Variants in OSBPL9 observed in about 807,000 individuals in gnomAD.
OSBPL9 encodes the protein oxysterol binding protein like 9.
OSBPL9 carries 40 observed loss-of-function variants against 106.6 expected under a neutral mutation model. The ratio of observed to expected loss-of-function variants is 0.38; its 90% CI spans 0.29 to 0.49. The LOEUF (loss-of-function observed/expected upper bound fraction) is 0.49, where lower values mean the gene tolerates loss of function less well. OSBPL9 is among the 20% of genes least tolerant of loss of function. The pLI is 0.97. For missense variants in OSBPL9, 609 were observed against 887.2 expected (o/e 0.69, Z 3.98); for synonymous variants, 269 against 295.4 (o/e 0.91, Z 0.92).
intron 1 of OSBPL9, among the ~76,000 whole-genome samples, chr1:51,621,059 T>C (rs1029481436): frequency 6.6e-6 from 1 of 152,140 alleles, no homozygotes; most frequent in Non-Finnish European, 1.5e-5. Context: ...TTCATAAAAC[T>C]AAAGAGGACG....
At chr1:51,523,011 C>A in the OSBPL9 span, among the ~76,000 whole-genome samples, 3 of 152,048 alleles carry the variant, frequency 2.0e-5, no homozygotes, top group African/African-American at 7.2e-5. Context: ...AATTTTAGCA[C>A]TCTGGAAGGC....
At chr1:51,646,449 T>G (rs1400184497) in intron 1 of OSBPL9, among the ~76,000 whole-genome samples, 1 of 152,234 alleles carries the variant, frequency 6.6e-6, no homozygotes, top group Non-Finnish European at 1.5e-5. Flanking sequence ...ACAATTAATT[T>G]TTGTTATTGA....
At chr1:51,691,115 C>T (rs1359835317) in intron 3 of OSBPL9, among the ~76,000 whole-genome samples, 1 of 151,984 alleles carries the variant, frequency 6.6e-6, no homozygotes, top group Non-Finnish European at 1.5e-5. Flanking sequence ...GGAAGTTGCT[C>T]TGGGTGAGTC....
At chr1:51,697,774 A>G (rs1253021486) in intron 3 of OSBPL9, among the ~76,000 whole-genome samples, 5 of 150,344 alleles carry the variant, frequency 3.3e-5, no homozygotes, top group Admixed American at 1.3e-4. Context: ...AGCAAAGATG[A>G]TAAAATCCTG....
chr1:51,530,170 C>CAAAAAAAAAAAAAA, the OSBPL9 span, among the ~76,000 whole-genome samples: 64 of 10,890 alleles, frequency 5.9e-3, no homozygotes, highest in Non-Finnish European at 6.6e-3. Flanking sequence ...GACTCTGTCT[C>CAAAAAAAAAAAAAA]AAAAAAAAAA....
At chr1:51,581,091 GTA>G (rs1200734831) in intron 1 of OSBPL9, among the ~76,000 whole-genome samples, 1 of 138,334 alleles carries the variant, frequency 7.2e-6, no homozygotes, top group Non-Finnish European at 1.5e-5. Flanking sequence ...GCTAATTTTT[GTA>G]TTTTTTTTTT....
At chr1:51,548,423 G>T in the OSBPL9 span, among the ~76,000 whole-genome samples, 1 of 149,590 alleles carries the variant, frequency 6.7e-6, no homozygotes, top group Non-Finnish European at 1.5e-5. Context: ...TTGAAACAAG[G>T]TCTTGCTCTG....
upstream of OSBPL9, among the ~76,000 whole-genome samples, chr1:51,615,125 G>A (rs1644020557): frequency 6.6e-6 from 1 of 152,108 alleles, no homozygotes; most frequent in Non-Finnish European, 1.5e-5. Context: ...CCAGGCGAGC[G>A]CCTGTAATCC....
upstream of OSBPL9, chr1:51,616,925 G>A: frequency 9.5e-7 from 1 of 1,054,980 alleles, no homozygotes; most frequent in Non-Finnish European, 1.3e-6. Context: ...CGCATCCGTG[G>A]CATGGAGTCC....
intron 12 of OSBPL9, among the ~76,000 whole-genome samples, chr1:51,766,396 G>A (rs1672560096): frequency 6.6e-6 from 1 of 152,082 alleles, no homozygotes; most frequent in African/African-American, 2.4e-5. Flanking sequence ...TAATTAGAGT[G>A]GAAATATTCA....
At chr1:51,683,861 G>A (rs539972996) in intron 3 of OSBPL9, among the ~76,000 whole-genome samples, 3 of 152,176 alleles carry the variant, frequency 2.0e-5, no homozygotes, top group Admixed American at 1.3e-4. Flanking sequence ...TCATTTAAAT[G>A]TATAAACTTT....
At chr1:51,571,981 G>T in the OSBPL9 span, among the ~76,000 whole-genome samples, 1 of 152,146 alleles carries the variant, frequency 6.6e-6, no homozygotes, top group African/African-American at 2.4e-5. Context: ...GAGATGAGTG[G>T]CTGAGCAGAC....
In OSBPL9 at chr1:51,732,165, C is replaced by T. The variant is rs1664603427; in HGVS notation, c.319-13371C>T. On this transcript the variant is annotated intron_variant, in intron 4 of 23. Coordinates refer to ENST00000428468, the MANE Select transcript of OSBPL9 (RefSeq NM_024586.6). ...GGAAAGAGCATTATTTTGTTAGCAC[C>T]ATGTTCTGCTGGTTGGAAAGTCAGG... Among the ~76,000 whole-genome samples, 2 of 152,110 alleles carry T rather than the reference C, an allele frequency of 1.3e-5. 1 individual carries two copies. Among genetic ancestry groups the T allele is most frequent in the South Asian group, 4.1e-4 (2 of 4,826 alleles).
chr1:51,610,016 G>A (rs1055244885), intron 2 of OSBPL9, among the ~76,000 whole-genome samples: 2 of 151,904 alleles, frequency 1.3e-5, no homozygotes, highest in Non-Finnish European at 2.9e-5. Context: ...CAAAGTGCTG[G>A]GATTACAGGT....
chr1:51,643,600 G>A (rs1645946436), intron 1 of OSBPL9, among the ~76,000 whole-genome samples: 2 of 152,128 alleles, frequency 1.3e-5, no homozygotes, highest in South Asian at 4.1e-4. Flanking sequence ...TCTAGAGAGA[G>A]CAAATTGATA....
At chr1:51,725,493 T>G (rs888779829) in intron 4 of OSBPL9, among the ~76,000 whole-genome samples, 22 of 152,210 alleles carry the variant, frequency 1.4e-4, no homozygotes, top group Admixed American at 3.9e-4. Context: ...GTCTTATAAT[T>G]TTTTCTTGAT....
chr1:51,737,622 T>C (rs1443882593), intron 4 of OSBPL9, among the ~76,000 whole-genome samples: 1 of 150,378 alleles, frequency 6.6e-6, no homozygotes, highest in Non-Finnish European at 1.5e-5. Flanking sequence ...GTAAGTAAAA[T>C]TACATAAAAC....
intron 2 of OSBPL9, among the ~76,000 whole-genome samples, chr1:51,609,605 C>T (rs1328452910): frequency 6.6e-6 from 1 of 151,078 alleles, no homozygotes; most frequent in Admixed American, 6.6e-5. Context: ...CATGCCTCAA[C>T]CTCCCAAAGT....
intron 2 of OSBPL9, among the ~76,000 whole-genome samples, chr1:51,608,775 AC>A (rs574511727): frequency 9.7e-4 from 146 of 150,754 alleles, no homozygotes; most frequent in African/African-American, 3.2e-3. Context: ...TCCTCCACCT[AC>A]CTTATAAATC....
Sources: gnomAD v4.1 joint callset for allele counts (sites outside exome capture counted in the v4.1 genomes callset) on GRCh38, gnomAD v4.1.1 for gene constraint, MANE v1.5 for transcripts, NCBI Gene and HGNC (gene_info 2026-07-23, HGNC 2026-07-21) for gene names.